PICK1: variants seen among roughly 807,000 people sequenced by gnomAD.
PICK1 encodes protein interacting with PRKCA 1.
PICK1 carries 23 observed loss-of-function variants against 48.9 expected under a neutral mutation model. The observed-to-expected ratio is 0.47, with a 90% CI of 0.34 to 0.67. The LOEUF (loss-of-function observed/expected upper bound fraction) is 0.67, where lower values mean the gene tolerates loss of function less well. Among genes scored for constraint, PICK1 ranks in the 30% least tolerant of loss-of-function variants. The pLI, the probability that PICK1 is intolerant of heterozygous loss-of-function variation, is 0.01. For missense variants in PICK1, 423 were observed against 557.1 expected (o/e 0.76, Z 2.42); for synonymous variants, 217 against 228.2 (o/e 0.95, Z 0.44).
At chr22:38,071,573 C>T in intron 7 of PICK1, 109 bp from the exon 8 acceptor site, 1 of 970,246 alleles carries the variant, frequency 1.0e-6, no homozygotes, top group Non-Finnish European at 1.7e-6. Flanking sequence ...GGCCATGTAT[C>T]AGGGCCTAGC....
At chr22:38,069,786 G>A (rs2085630810) in intron 6 of PICK1, among the ~76,000 whole-genome samples, 1 of 152,182 alleles carries the variant, frequency 6.6e-6, no homozygotes, top group Non-Finnish European at 1.5e-5. Flanking sequence ...AGTGGCGGCT[G>A]CTATTTTCAG....
In PICK1 at chr22:38,057,412, C is replaced by T. The variant is rs976846005; in HGVS notation, c.-233C>T. The stretch of plus-strand genomic sequence containing the variant: ...CTTGCCGGAAGTGACGTGACAATCG[C>T]GGCCACCGCCAGGTGGAACGGCAGG... On this transcript the variant is annotated 5_prime_UTR_variant, in exon 1 of 13. Coordinates refer to ENST00000356976, the MANE Select transcript of PICK1 (RefSeq NM_012407.4). The T allele has an allele frequency of 1.3e-5, 3 of 233,500 alleles. No homozygotes were observed. The highest frequency in any genetic ancestry group is 2.2e-5 in the African/African-American group (1 of 44,694). 14.5% of individuals were successfully genotyped at this position (233,500 alleles called of 1,614,324 possible).
rs528844657 is a variant in PICK1, at chr22:38,065,019, A to C, written c.171A>C (p.Pro57=). 15 of 1,614,144 alleles carry C rather than the reference A, an allele frequency of 9.3e-6. No homozygotes were observed. In the Admixed American group the frequency reaches 1.5e-4, roughly 16 times the overall value. The change falls in exon 4 of 13, where the codon CCA becomes CCC. Residue 57 remains proline (P), a synonymous_variant. Coordinates refer to ENST00000356976, the MANE Select transcript of PICK1 (RefSeq NM_012407.4). ...LYIVQVFDNT[P]AALDGTVAAG... Reference sequence around the variant, plus strand: ...ACCCACAGGTATTTGACAACACCCCAGCAGCCTTGGACGGCACAGTGGCAG... The same window carrying C: ...ACCCACAGGTATTTGACAACACCCCCGCAGCCTTGGACGGCACAGTGGCAG...
At chr22:38,063,219 C>T (rs939800803) in intron 3 of PICK1, among the ~76,000 whole-genome samples, 4 of 151,084 alleles carry the variant, frequency 2.6e-5, no homozygotes, top group Non-Finnish European at 5.9e-5. Context: ...TGCAGGGGTG[C>T]GATCATGGCT....
At chr22:38,061,363 A>AT (rs1256816441) in intron 3 of PICK1, among the ~76,000 whole-genome samples, 2 of 151,962 alleles carry the variant, frequency 1.3e-5, no homozygotes, top group Non-Finnish European at 2.9e-5. Context: ...AATCATCATC[A>AT]TCATAGAATT....
rs1248554503 is a variant in PICK1, at chr22:38,075,235, G to T, written c.*103G>T. On this transcript the variant is annotated 3_prime_UTR_variant, in exon 13 of 13. Coordinates refer to ENST00000356976, the MANE Select transcript of PICK1 (RefSeq NM_012407.4). Reference sequence around the variant, plus strand: ...GGGGGCGACGCATAAAGGCCTGCTGGCTTGGGGCGCCTGCCTCCCTGCTCC... The same window carrying T: ...GGGGGCGACGCATAAAGGCCTGCTGTCTTGGGGCGCCTGCCTCCCTGCTCC... 3 of 1,172,016 alleles carry T rather than the reference G, an allele frequency of 2.6e-6. No homozygotes were observed. In the East Asian group the frequency reaches 7.6e-5, roughly 30 times the overall value. 72.6% of individuals were successfully genotyped at this position (1,172,016 alleles called of 1,614,324 possible). A position where few individuals can be genotyped will look rare whatever the true frequency, so the allele number is the denominator to read the frequency against.
At position 38,074,769 on chromosome 22, in the gene PICK1, G is replaced by A. The variant is rs552540269; in HGVS notation, c.980-95G>A. ...AAGTGCCCGAGTGGGAAGCCCAGGG[G>A]AGGCGAGAGGTGGGCCGGGTGGGCT... On this transcript the variant is annotated intron_variant, in intron 12 of 12. Transcript: ENST00000356976. The surrounding 1 kb of genome is among the most constrained non-coding windows in gnomAD (Gnocchi z 4.5). The A allele has an allele frequency of 6.7e-7, 1 of 1,493,800 alleles. No individual in the cohort carries two copies. Among genetic ancestry groups the A allele is most frequent in the Non-Finnish European group, 9.1e-7 (1 of 1,094,294 alleles). The allele number at this position is 1,493,800 out of a possible 1,614,324, so 92.5% of individuals were successfully genotyped here.
At position 38,075,220 on chromosome 22, in the gene PICK1, C is replaced by A; in HGVS notation, c.*88C>A. On this transcript the variant is annotated 3_prime_UTR_variant, in exon 13 of 13. Transcript: ENST00000356976. ...GGGGCCGCCGCGCAAGGGGGCGACG[C>A]ATAAAGGCCTGCTGGCTTGGGGCGC... 7.6e-7 allele frequency: 1 copy of A among 1,323,238 alleles called. No individual in the cohort carries two copies. The highest frequency in any genetic ancestry group is 1.0e-6 in the Non-Finnish European group (1 of 977,126). The allele number at this position is 1,323,238 out of a possible 1,614,324, so 82.0% of individuals were successfully genotyped here. A position where few individuals can be genotyped will look rare whatever the true frequency, so the allele number is the denominator to read the frequency against.
rs2085524114 is a variant in PICK1 at position 38,066,344 on chromosome 22, C to A, written c.282+1214C>A. On this transcript the variant is annotated intron_variant, in intron 4 of 12. Transcript: ENST00000356976. The surrounding 1 kb of genome is among the most constrained non-coding windows in gnomAD (Gnocchi z 4.1). ...CCCCATTTGGCAGCCCTTCCCCCCT[C>A]CGCATCTCCTCCCCATCTCCACTCG... 6.6e-6 allele frequency among the ~76,000 whole-genome samples: 1 copy of A among 152,222 alleles called. No individual in the cohort carries two copies. Among genetic ancestry groups the A allele is most frequent in the South Asian group, 2.1e-4 (1 of 4,834 alleles).
At chr22:38,058,415 G>A (rs1056017931) in intron 2 of PICK1, among the ~76,000 whole-genome samples, 1 of 152,160 alleles carries the variant, frequency 6.6e-6, no homozygotes, top group Non-Finnish European at 1.5e-5. Flanking sequence ...AGTGGAAACC[G>A]AGAGGTAATC....
intron 6 of PICK1, among the ~76,000 whole-genome samples, chr22:38,069,355 G>C (rs1363317539): frequency 6.6e-6 from 1 of 152,186 alleles, no homozygotes; most frequent in Non-Finnish European, 1.5e-5. Flanking sequence ...GGTCACAGAT[G>C]GGAAAATAGA....
rs775256630 is a variant in PICK1 at position 38,057,865 on chromosome 22, CCCCCAAGTTCCAGCAGTATAGGAG to C, written c.41+27_41+50del. ...GAGGATAAACTGTGAGTATTTTATT[CCCCCAAGTTCCAGCAGTATAGGAG>C]CCCCAAGTTCCTCATTTCCCTGGAC... On this transcript the variant is annotated intron_variant, in intron 2 of 12. Coordinates refer to ENST00000356976, the MANE Select transcript of PICK1 (RefSeq NM_012407.4). The C allele has an allele frequency of 1.2e-6, 2 of 1,605,702 alleles. No individual in the cohort carries two copies. The highest frequency in any genetic ancestry group is 2.2e-5 in the South Asian group (2 of 90,932).
At chr22:38,069,473 C>T (rs2085621065) in intron 6 of PICK1, among the ~76,000 whole-genome samples, 3 of 152,240 alleles carry the variant, frequency 2.0e-5, no homozygotes, top group Admixed American at 2.0e-4. Context: ...GGTGCTGCTG[C>T]CCTTGCCTCT....
intron 3 of PICK1, among the ~76,000 whole-genome samples, chr22:38,062,252 T>C (rs1370088458): frequency 0.01 from 2 of 192 alleles, no homozygotes; most frequent in African/African-American, 0.062. Flanking sequence ...TTTCCCATCT[T>C]TTTTTTTTTT....
intron 2 of PICK1, 141 bp from the exon 3 acceptor site, chr22:38,059,093 C>A: frequency 1.5e-6 from 1 of 687,948 alleles, no homozygotes; most frequent in Non-Finnish European, 2.7e-6. Context: ...TGTGCATGTT[C>A]CAGCACAAAA....
intron 8 of PICK1, among the ~76,000 whole-genome samples, chr22:38,072,159 C>T (rs555472015): frequency 6.6e-5 from 10 of 152,300 alleles, no homozygotes; most frequent in Non-Finnish European, 8.8e-5. Flanking sequence ...TGTTCTGCCT[C>T]AGGCGGCGCC....
At chr22:38,064,396 C>A (rs2085475386) in intron 3 of PICK1, among the ~76,000 whole-genome samples, 1 of 152,146 alleles carries the variant, frequency 6.6e-6, no homozygotes, top group Non-Finnish European at 1.5e-5. Context: ...GTAGTGTCAA[C>A]TTCATTTTTC....
Position 38,074,187 on chromosome 22 carries a change from T to G in PICK1, c.835-120T>G, listed in dbSNP as rs2085771805. On this transcript the variant is annotated intron_variant, in intron 11 of 12. Transcript: ENST00000356976. This position sits in a 1 kb window ranked among gnomAD's most constrained non-coding sequence, Gnocchi z 4.5. The stretch of plus-strand genomic sequence containing the variant: ...CTTCAAAGCTATCACTGAGTGCTTC[T>G]GAGAAACACTGAAGTCTCAGAAATG... 1 of 1,253,704 alleles carries G rather than the reference T, an allele frequency of 8.0e-7. No homozygotes were observed. Among genetic ancestry groups the G allele is most frequent in the Admixed American group, 1.8e-5 (1 of 54,056 alleles). 77.7% of individuals were successfully genotyped at this position (1,253,704 alleles called of 1,614,324 possible). A position where few individuals can be genotyped will look rare whatever the true frequency, so the allele number is the denominator to read the frequency against.
rs1227551097 is a variant in PICK1 at position 38,073,507 on chromosome 22, T to C, written c.784-266T>C. 1.3e-5 allele frequency among the ~76,000 whole-genome samples: 2 copies of C among 152,218 alleles called. No homozygotes were observed. The highest frequency in any genetic ancestry group is 4.8e-5 in the African/African-American group (2 of 41,454). On this transcript the variant is annotated intron_variant, in intron 10 of 12. Coordinates refer to ENST00000356976, the MANE Select transcript of PICK1 (RefSeq NM_012407.4). The surrounding 1 kb of genome is among the most constrained non-coding windows in gnomAD (Gnocchi z 5.7). ...CTTATCAGAGCCTTTGCTAGGCTGA[T>C]GTGCAGTGTGAATTTTCAAGGGTCT...
Sources: allele counts gnomAD v4.1 joint callset (sites outside exome capture counted in the v4.1 genomes callset), GRCh38; gene constraint gnomAD v4.1.1; non-coding constraint Gnocchi (gnomAD v3.1); transcripts MANE v1.5; gene names NCBI Gene and HGNC (gene_info 2026-07-23, HGNC 2026-07-21).